Variants in CERS6 observed in about 807,000 individuals in gnomAD.
CERS6 encodes ceramide synthase 6.
In CERS6, 26 loss-of-function variants were observed where a neutral mutation model predicts 56.8. The ratio of observed to expected loss-of-function variants is 0.46; its 90% CI spans 0.34 to 0.63. The LOEUF is 0.63. CERS6 is among the 30% of genes least tolerant of loss of function. The pLI is 0.01. For synonymous variants in CERS6, 164 were observed against 173.3 expected (o/e 0.95, Z 0.42); for missense variants, 415 against 467.5 (o/e 0.89, Z 1.04).
At position 168,561,306 on chromosome 2, in the gene CERS6, A is replaced by G. The variant is rs1367733707; in HGVS notation, c.391A>G (p.Arg131Gly). The G allele has an allele frequency of 1.2e-6, 2 of 1,614,024 alleles. No individual in the cohort carries two copies. The change falls in exon 3 of 10, where the codon AGG becomes GGG. Residue 131 changes from arginine to glycine, a missense_variant. Coordinates refer to ENST00000305747, the MANE Select transcript of CERS6 (RefSeq NM_203463.3). Reference sequence around the variant, plus strand: ...TCAGGAGAAGCCAAGCACGCTGACGAGGTTCTGTGAGAGCATGTAAGTTGC... The same window carrying G: ...TCAGGAGAAGCCAAGCACGCTGACGGGGTTCTGTGAGAGCATGTAAGTTGC... ...RNQEKPSTLT[R>G]FCESMWRFSF...
At chr2:168,620,399 C>T (rs1193733808) in intron 3 of CERS6, among the ~76,000 whole-genome samples, 1 of 151,938 alleles carries the variant, frequency 6.6e-6, no homozygotes, top group East Asian at 1.9e-4. Context: ...CCAAATAACA[C>T]CTATTCCTCA....
At chr2:168,544,593 A>T (rs1445532784) in intron 1 of CERS6, among the ~76,000 whole-genome samples, 1 of 152,090 alleles carries the variant, frequency 6.6e-6, no homozygotes, top group Admixed American at 6.5e-5. Context: ...GGAGCTGGAA[A>T]GGTTTGGGCC....
intron 4 of CERS6, among the ~76,000 whole-genome samples, chr2:168,685,278 TAAATC>T (rs1686319544): frequency 6.6e-6 from 1 of 152,208 alleles, no homozygotes; most frequent in Non-Finnish European, 1.5e-5. Context: ...GTTCTTTTCT[TAAATC>T]AAAATAGTTA....
intron 1 of CERS6, among the ~76,000 whole-genome samples, chr2:168,496,757 C>A (rs556127178): frequency 6.6e-6 from 1 of 152,220 alleles, no homozygotes; most frequent in East Asian, 1.9e-4. Flanking sequence ...TTAAAGGAAT[C>A]TCTAGCATGA....
chr2:168,659,528 A>G (rs1685574626), intron 4 of CERS6, among the ~76,000 whole-genome samples: 1 of 152,246 alleles, frequency 6.6e-6, no homozygotes, highest in Admixed American at 6.5e-5. Context: ...TAGGTAAATT[A>G]TCATAAGATG....
rs1693666710 is a variant in CERS6, at chr2:168,456,679, C to G, written c.170+61C>G. 3.3e-6 allele frequency: 5 copies of G among 1,523,696 alleles called. No individual in the cohort carries two copies. The highest frequency in any genetic ancestry group is 4.5e-6 in the Non-Finnish European group (5 of 1,116,552). The allele number at this position is 1,523,696 out of a possible 1,614,324, so 94.4% of individuals were successfully genotyped here. ...GCGCACACACACGCGCGCACACACT[C>G]GCGCGCTCTCTGGCGCACGCCCCCG... On this transcript the variant is annotated intron_variant, in intron 1 of 9. Transcript: ENST00000305747. The surrounding 1 kb of genome is among the most constrained non-coding windows in gnomAD (Gnocchi z 4.1).
chr2:168,695,849 G>A (rs990145028), intron 6 of CERS6, among the ~76,000 whole-genome samples: 50 of 151,876 alleles, frequency 3.3e-4, no homozygotes, highest in Non-Finnish European at 8.8e-5. Context: ...ATTCTCTCTG[G>A]GTCCATACTT....
intron 3 of CERS6, among the ~76,000 whole-genome samples, chr2:168,601,805 C>T (rs536665493): frequency 1.9e-3 from 295 of 152,296 alleles, no homozygotes; most frequent in African/African-American, 7.0e-3. Context: ...CCACCCCAGC[C>T]TCCCATAGTG....
At chr2:168,679,222 T>A (rs1429073662) in intron 4 of CERS6, among the ~76,000 whole-genome samples, 1 of 152,136 alleles carries the variant, frequency 6.6e-6, no homozygotes, top group Admixed American at 6.5e-5. Context: ...AAGTTACAGT[T>A]AGATGGGGGG....
intron 5 of CERS6, among the ~76,000 whole-genome samples, chr2:168,691,422 A>G (rs1250990101): frequency 6.6e-6 from 1 of 152,180 alleles, no homozygotes; most frequent in Non-Finnish European, 1.5e-5. Context: ...CTGTTGACAT[A>G]GTGCAGACCT....
At chr2:168,548,292 G>T (rs1346998915) in intron 2 of CERS6, among the ~76,000 whole-genome samples, 1 of 152,128 alleles carries the variant, frequency 6.6e-6, no homozygotes. Context: ...GGGAGCTGAA[G>T]CCCAAACTAG....
At chr2:168,641,882 T>A (rs1018521119) in intron 4 of CERS6, among the ~76,000 whole-genome samples, 1 of 85,910 alleles carries the variant, frequency 1.2e-5, no homozygotes, top group African/African-American at 4.3e-5. Context: ...GGTTCATACT[T>A]GAGTAATGGA....
intron 6 of CERS6, among the ~76,000 whole-genome samples, chr2:168,695,715 G>A (rs1172066952): frequency 6.6e-6 from 1 of 152,148 alleles, no homozygotes; most frequent in Non-Finnish European, 1.5e-5. Flanking sequence ...ATATTTGGGT[G>A]CAACAGAGTT....
At chr2:168,471,015 G>A (rs1301986337) in intron 1 of CERS6, among the ~76,000 whole-genome samples, 3 of 151,874 alleles carry the variant, frequency 2.0e-5, no homozygotes, top group Non-Finnish European at 4.4e-5. Flanking sequence ...AGGCTTACCA[G>A]TGTCAATACT....
intron 8 of CERS6, among the ~76,000 whole-genome samples, chr2:168,760,096 C>T (rs1455411532): frequency 6.6e-6 from 1 of 152,164 alleles, no homozygotes; most frequent in East Asian, 1.9e-4. Flanking sequence ...CAGATCCCCC[C>T]AACCCCAGTC....
chr2:168,460,063 G>A (rs896242716), intron 1 of CERS6, among the ~76,000 whole-genome samples: 4 of 152,284 alleles, frequency 2.6e-5, no homozygotes, highest in Admixed American at 6.5e-5. Context: ...TCTCATTTAT[G>A]TGTTGAGGCA....
intron 6 of CERS6, among the ~76,000 whole-genome samples, chr2:168,699,297 G>A (rs1373914530): frequency 6.6e-6 from 1 of 152,200 alleles, no homozygotes; most frequent in African/African-American, 2.4e-5. Flanking sequence ...TGATGGGATA[G>A]GGATGTTTGA....
chr2:168,486,311 A>G (rs760106149), intron 1 of CERS6, among the ~76,000 whole-genome samples: 3 of 152,080 alleles, frequency 2.0e-5, no homozygotes, highest in Non-Finnish European at 4.4e-5. Context: ...TTTGCATAAC[A>G]AAGGTTTTAA....
chr2:168,662,767 T>A (rs1685663822), intron 4 of CERS6, among the ~76,000 whole-genome samples: 1 of 152,100 alleles, frequency 6.6e-6, no homozygotes, highest in Non-Finnish European at 1.5e-5. Flanking sequence ...GAAAGAAAGC[T>A]AGACCCAGAG....
Sources: gnomAD v4.1 joint callset for allele counts (sites outside exome capture counted in the v4.1 genomes callset) on GRCh38, gnomAD v4.1.1 for gene constraint, Gnocchi (gnomAD v3.1) non-coding constraint, MANE v1.5 for transcripts, NCBI Gene and HGNC (gene_info 2026-07-23, HGNC 2026-07-21) for gene names.